Variants in ATAD3B observed in about 807,000 individuals in gnomAD.
ATAD3B encodes ATPase family AAA domain containing 3B, also known as ATPase family AAA domain-containing protein 3B.
In ATAD3B, 59 loss-of-function variants were observed where a neutral mutation model predicts 70.2. The observed-to-expected ratio is 0.84, with a 90% CI of 0.68 to 1.04. The LOEUF (loss-of-function observed/expected upper bound fraction) is 1.04, where lower values mean the gene tolerates loss of function less well. ATAD3B is among the 50% of genes least tolerant of loss of function. The pLI, the probability that ATAD3B is intolerant of heterozygous loss-of-function variation, is 0.00. For synonymous variants in ATAD3B, 423 were observed against 388.6 expected, an observed-to-expected ratio of 1.09 and a Z score of -1.04; for missense variants, 961 against 913.4, an observed-to-expected ratio of 1.05 and a Z score of -0.67.
At chr1:1,503,578 C>A in the ATAD3B span, 1 of 1,609,692 alleles carries the variant, frequency 6.2e-7, no homozygotes, top group African/African-American at 1.3e-5. Context: ...GCCCCTGTGC[C>A]TGCAGGCCAC....
At chr1:1,503,783 G>T in the ATAD3B span, 1 of 1,435,914 alleles carries the variant, frequency 7.0e-7, no homozygotes. Context: ...GTGGGGTGCA[G>T]GGCCGAGCTT....
In ATAD3B at chr1:1,478,127, G is replaced by T. The variant is rs1437696015; in HGVS notation, c.283-517G>T. ...ACCTCCTGCCTCAGCCTTCCGAGCAGCTGGGACTACAGGAGCCTGCCACCA... is the reference window on the plus strand; with the variant it reads ...ACCTCCTGCCTCAGCCTTCCGAGCATCTGGGACTACAGGAGCCTGCCACCA... On this transcript the variant is annotated intron_variant, in intron 2 of 15. Transcript: ENST00000673477. 6 of 222,244 alleles carry T rather than the reference G, an allele frequency of 2.7e-5. No individual in the cohort carries two copies. The South Asian group carries it at 3.3e-4, about 12-fold the overall frequency. 13.8% of individuals were successfully genotyped at this position (222,244 alleles called of 1,614,324 possible). A position where few individuals can be genotyped will look rare whatever the true frequency, so the allele number is the denominator to read the frequency against.
At chr1:1,487,348 CATG>C (rs1370879042) in intron 11 of ATAD3B, among the ~76,000 whole-genome samples, 1 of 151,800 alleles carries the variant, frequency 6.6e-6, no homozygotes, top group Non-Finnish European at 1.5e-5. Context: ...ATTAGCCAGG[CATG>C]GTGGTGGGCA....
rs538209802 is a variant in ATAD3B at position 1,495,179 on chromosome 1, C to T, written c.1615-306C>T. On this transcript the variant is annotated intron_variant, in intron 15 of 15. Transcript: ENST00000673477. ...TGAGACTCGCAGAGGGTCTGCAGTT[C>T]CCACCTGCCTCTCGGAAGCTGCCCT... 4.8e-3 allele frequency among the ~76,000 whole-genome samples: 731 copies of T among 152,130 alleles called. 15 individuals carry two copies. Among genetic ancestry groups the T allele is most frequent in the Non-Finnish European group, 6.4e-3 (433 of 67,958 alleles).
In ATAD3B at chr1:1,495,594, A is replaced by G; in HGVS notation, c.1724A>G (p.Glu575Gly). ...YRQKMRWLKA[E>G]GPGRGVEHPL... is the part of the protein sequence containing the mutation. ...CAGAAGATGCGCTGGCTGAAGGCGG[A>G]GGGGCCTGGGCGCGGGGTCGAGCAC... is the stretch of plus-strand genomic sequence containing the variant. Residue 575 changes from glutamate to glycine, a missense_variant, in exon 16 of 16, where the codon GAG (glutamate) becomes GGG (glycine). Coordinates refer to ENST00000673477, the MANE Select transcript of ATAD3B (RefSeq NM_031921.6). The G allele has an allele frequency of 1.2e-6, 2 of 1,613,128 alleles. No individual in the cohort carries two copies. Among genetic ancestry groups the G allele is most frequent in the Non-Finnish European group, 1.7e-6 (2 of 1,179,484 alleles).
rs548688898 is a variant in ATAD3B at position 1,497,351 on chromosome 1, C to T, written c.*1534C>T. The T allele has an allele frequency of 1.4e-5, 2 of 147,340 alleles. No individual in the cohort carries two copies. The highest frequency in any genetic ancestry group is 4.5e-4 in the South Asian group (2 of 4,476). The allele number at this position is 147,340 out of a possible 1,614,324, so 9.1% of individuals were successfully genotyped here. On this transcript the variant is annotated 3_prime_UTR_variant, in exon 16 of 16. Coordinates refer to ENST00000673477, the MANE Select transcript of ATAD3B (RefSeq NM_031921.6). Reference sequence around the variant, plus strand: ...CAGCCTGTCCAGTAGCCATACCCTACTAGGCCCTAATTAGCCCCAGAGGCG... The same window carrying T: ...CAGCCTGTCCAGTAGCCATACCCTATTAGGCCCTAATTAGCCCCAGAGGCG...
intron 7 of ATAD3B, chr1:1,484,600 T>C (rs1307530509): frequency 5.7e-6 from 1 of 174,448 alleles, no homozygotes; most frequent in Non-Finnish European, 1.2e-5. Context: ...GTGCTGGGAT[T>C]ACAGACCTGG....
downstream of ATAD3B, among the ~76,000 whole-genome samples, chr1:1,498,011 C>A (rs1463395423): frequency 6.6e-6 from 1 of 150,508 alleles, no homozygotes; most frequent in Non-Finnish European, 1.5e-5. Context: ...ACAAAAAATA[C>A]AAAAGAAAAA....
chr1:1,480,209 C>G (rs1456590844), intron 4 of ATAD3B, among the ~76,000 whole-genome samples: 2 of 131,902 alleles, frequency 1.5e-5, no homozygotes, highest in Non-Finnish European at 3.2e-5. Flanking sequence ...CCCACACACC[C>G]CCGCACCCAT....
chr1:1,480,749 C>T, intron 4 of ATAD3B, 118 bp from the exon 5 acceptor site: 1 of 1,528,186 alleles, frequency 6.5e-7, no homozygotes, highest in Non-Finnish European at 8.8e-7. Context: ...TCTGCAGGTC[C>T]CCAGGTGCCC....
intron 3 of ATAD3B, 65 bp downstream of exon 3, chr1:1,478,810 G>T: frequency 7.8e-7 from 1 of 1,280,680 alleles, no homozygotes. Flanking sequence ...GGCAGGACTG[G>T]GAGCTGGGTG....
chr1:1,487,374 G>C (rs1023256665), intron 11 of ATAD3B, among the ~76,000 whole-genome samples: 35 of 151,758 alleles, frequency 2.3e-4, no homozygotes, highest in African/African-American at 8.2e-4. Flanking sequence ...TGTAGTCCCA[G>C]CTACTCAGGA....
At chr1:1,489,006 G>A (rs985683521) in intron 12 of ATAD3B, among the ~76,000 whole-genome samples, 198 bp from the exon 13 acceptor site, 3 of 151,554 alleles carry the variant, frequency 2.0e-5, no homozygotes, top group Admixed American at 6.6e-5. Context: ...CAGGTGATCC[G>A]CCTGCCTCAG....
chr1:1,503,775 G>A, the ATAD3B span: 1 of 1,478,684 alleles, frequency 6.8e-7, no homozygotes. Flanking sequence ...GGGCAGCAGT[G>A]GGGTGCAGGG....
At chr1:1,483,959 C>G (rs1174696289) in intron 7 of ATAD3B, 2 of 152,078 alleles carry the variant, frequency 1.3e-5, no homozygotes, top group Admixed American at 6.6e-5. Flanking sequence ...CACGGCAGAG[C>G]AAGTGCCCAC....
chr1:1,498,127 AC>A (rs1570290687), downstream of ATAD3B, among the ~76,000 whole-genome samples: 1 of 150,280 alleles, frequency 6.7e-6, no homozygotes, highest in East Asian at 2.0e-4. Flanking sequence ...ATGTGGTGAA[AC>A]CCCCATCTCT....
downstream of ATAD3B, among the ~76,000 whole-genome samples, chr1:1,502,649 C>A (rs1205677097): frequency 6.6e-6 from 1 of 150,806 alleles, no homozygotes; most frequent in African/African-American, 2.4e-5. Flanking sequence ...GTAGCTGGGA[C>A]TACAGGCACA....
chr1:1,487,966 C>T (rs556891481), intron 12 of ATAD3B, 52 bp downstream of exon 12: 15 of 1,605,004 alleles, frequency 9.3e-6, no homozygotes, highest in African/African-American at 5.3e-5. Context: ...CGGGTGGGCG[C>T]GGCTGTCATC....
At chr1:1,504,928 TTGTG>T in the ATAD3B span, among the ~76,000 whole-genome samples, 38 of 149,472 alleles carry the variant, frequency 2.5e-4, no homozygotes, top group African/African-American at 6.1e-4. Context: ...CTTCAACAGT[TTGTG>T]TGTGTGTGTG....
Sources: allele counts gnomAD v4.1 joint callset (sites outside exome capture counted in the v4.1 genomes callset), GRCh38; gene constraint gnomAD v4.1.1; transcripts MANE v1.5; gene names NCBI Gene and HGNC (gene_info 2026-07-23, HGNC 2026-07-21).